The following CFAP46 variants were observed in gnomAD, a reference collection of about 807,000 sequenced individuals.
CFAP46 encodes cilia- and flagella-associated protein 46.
CFAP46 carries 245 observed loss-of-function variants against 325.7 expected under a neutral mutation model. The observed-to-expected ratio is 0.75, with a 90% CI of 0.68 to 0.84. The LOEUF is 0.84. Ranked by LOEUF, CFAP46 falls within the 40% of genes least tolerant of loss-of-function variation. The pLI, the probability that CFAP46 is intolerant of heterozygous loss-of-function variation, is 0.00. For missense variants in CFAP46, 3,346 were observed against 3,543.0 expected (o/e 0.94, Z 1.41); for synonymous variants, 1,523 against 1,495.9 (o/e 1.02, Z -0.42).
intron 8 of CFAP46, among the ~76,000 whole-genome samples, chr10:132,930,735 TG>T (rs1242051071): frequency 1.3e-5 from 1 of 77,534 alleles, no homozygotes; most frequent in Admixed American, 1.4e-4. Flanking sequence ...ACACAGAGCC[TG>T]GGCCTTCCTC....
At chr10:132,894,070 C>T (rs1193900659) in intron 24 of CFAP46, among the ~76,000 whole-genome samples, 4 of 151,890 alleles carry the variant, frequency 2.6e-5, no homozygotes, top group Non-Finnish European at 4.4e-5. Flanking sequence ...GAGGGTTCGC[C>T]GCTGGTAACA....
chr10:132,920,011 A>AC, intron 14 of CFAP46, 48 bp downstream of exon 14: 1 of 1,449,440 alleles, frequency 6.9e-7, no homozygotes. Flanking sequence ...GGGCTGAGCG[A>AC]CCCCCGGGCT....
chr10:132,898,349 G>A (rs1176628719), intron 24 of CFAP46, among the ~76,000 whole-genome samples: 1 of 152,186 alleles, frequency 6.6e-6, no homozygotes, highest in Non-Finnish European at 1.5e-5. Context: ...GCGAGAAGCT[G>A]GCCAGGCTCC....
At chr10:132,820,997 C>G (rs1847798135) in intron 50 of CFAP46, among the ~76,000 whole-genome samples, 1 of 115,182 alleles carries the variant, frequency 8.7e-6, no homozygotes, top group Non-Finnish European at 1.7e-5. Context: ...TGTGTGTGTG[C>G]TGATGTGTGC....
chr10:132,919,795 C>A lies in CFAP46; in HGVS notation c.1730+264G>T, dbSNP rs965584619. Among the ~76,000 whole-genome samples the A allele has an allele frequency of 6.6e-6, 1 of 152,140 alleles. No individual in the cohort carries two copies. The highest frequency in any genetic ancestry group is 1.5e-5 in the Non-Finnish European group (1 of 68,006). On this transcript the variant is annotated intron_variant, in intron 14 of 57. Coordinates refer to ENST00000368586, the MANE Select transcript of CFAP46 (RefSeq NM_001200049.3). This position sits in a 1 kb window ranked among gnomAD's most constrained non-coding sequence, Gnocchi z 9.7. ...CAGCCTGCTCTGGTCACAGGCGCTGCGTGTCCTCCGAGTGACAGCAGTGAC... is the reference window on the plus strand; with the variant it reads ...CAGCCTGCTCTGGTCACAGGCGCTGAGTGTCCTCCGAGTGACAGCAGTGAC...
chr10:132,915,683 G>A (rs868328898), intron 17 of CFAP46, among the ~76,000 whole-genome samples: 64 of 152,352 alleles, frequency 4.2e-4, no homozygotes, highest in African/African-American at 1.2e-3. Flanking sequence ...GGGGACACCC[G>A]AGCTTACCAC....
At chr10:132,854,430 C>G (rs181715094) in intron 39 of CFAP46, among the ~76,000 whole-genome samples, 5 of 152,182 alleles carry the variant, frequency 3.3e-5, no homozygotes, top group Admixed American at 2.0e-4. Flanking sequence ...TCTTCCCCCC[C>G]AGGTTCACGC....
At chr10:132,930,062 C>T (rs534899076) in intron 8 of CFAP46, among the ~76,000 whole-genome samples, 4 of 152,154 alleles carry the variant, frequency 2.6e-5, no homozygotes, top group African/African-American at 7.2e-5. Context: ...CTACTGGACA[C>T]CCTGCTCCTC....
Position 132,834,636 on chromosome 10 carries a change from C to A in CFAP46, c.6866+18G>T. 1 of 1,612,254 alleles carries A rather than the reference C, an allele frequency of 6.2e-7. No homozygotes were observed. The highest frequency in any genetic ancestry group is 1.1e-5 in the South Asian group (1 of 90,906). ...CGTGAGCGTGGTGGGGTGCCAGCCT[C>A]AACGTCATCCCCAGTACCTGGCCTT... On this transcript the variant is annotated intron_variant, in intron 48 of 57. Coordinates refer to ENST00000368586, the MANE Select transcript of CFAP46 (RefSeq NM_001200049.3).
Position 132,940,724 on chromosome 10 carries a change from T to C in CFAP46, c.371+272A>G, listed in dbSNP as rs180725037. On this transcript the variant is annotated intron_variant, in intron 4 of 57. Coordinates refer to ENST00000368586, the MANE Select transcript of CFAP46 (RefSeq NM_001200049.3). ...TCCCCAGCAGTTGGGATTACAGGCATGTGCCACCACGCCCGGCAGAAAACA... is the reference window on the plus strand; with the variant it reads ...TCCCCAGCAGTTGGGATTACAGGCACGTGCCACCACGCCCGGCAGAAAACA... Among the ~76,000 whole-genome samples the C allele has an allele frequency of 7.6e-3, 1,154 of 152,258 alleles. 17 individuals are homozygous for C. Among genetic ancestry groups the C allele is most frequent in the African/African-American group, 0.026 (1,069 of 41,552 alleles).
At position 132,847,236 on chromosome 10, in the gene CFAP46, G is replaced by A. The variant is rs199512971; in HGVS notation, c.6038C>T (p.Ala2013Val). 18 of 1,613,076 alleles carry A rather than the reference G, an allele frequency of 1.1e-5. No homozygotes were observed. The highest frequency in any genetic ancestry group is 1.5e-5 in the Non-Finnish European group (18 of 1,179,914). The change falls in exon 42 of 58, where the codon GCC becomes GTC. Residue 2013 changes from alanine (A) to valine (V), a missense_variant. Ala to Val is a moderately conservative substitution (Grantham distance 64). Coordinates refer to ENST00000368586, the MANE Select transcript of CFAP46 (RefSeq NM_001200049.3). The surrounding 1 kb of genome is among the most constrained non-coding windows in gnomAD (Gnocchi z 5.2). Reference protein sequence around the residue: ...GATKSSRDPPASRAAPEEHCR... With the variant: ...GATKSSRDPPVSRAAPEEHCR... ...GTGCTCCTCCGGGGCTGCCCTGGAG[G>A]CCGGCGGGTCCCTGCTGGACTTTGT...
chr10:132,926,578 G>A lies in CFAP46; in HGVS notation c.1055C>T (p.Ala352Val), dbSNP rs901307019. ...LESKMKVYNR[A>V]AVEAQLDIIQ... ...TGCGTAAGGACTGACCTCAACAGCC[G>A]CTCGGTTGTACACTTTCATCTTACT... Residue 352 changes from alanine (A) to valine (V), a missense_variant, in exon 10 of 58, where the codon GCG (alanine) becomes GTG (valine). Coordinates refer to ENST00000368586, the MANE Select transcript of CFAP46 (RefSeq NM_001200049.3). The A allele has an allele frequency of 1.5e-5, 23 of 1,535,290 alleles. No homozygotes were observed. The highest frequency in any genetic ancestry group is 5.9e-5 in the South Asian group (5 of 84,038).
At chr10:132,835,797 G>C (rs1390554738) in intron 46 of CFAP46, among the ~76,000 whole-genome samples, 1 of 151,870 alleles carries the variant, frequency 6.6e-6, no homozygotes, top group African/African-American at 2.4e-5. Flanking sequence ...GAAAGGGCCC[G>C]TGTGCAGGGA....
chr10:132,846,137 G>A lies in CFAP46; in HGVS notation c.6358C>T (p.Gln2120Ter). 6.2e-7 allele frequency: 1 copy of A among 1,611,022 alleles called. No homozygotes were observed. Among genetic ancestry groups the A allele is most frequent in the Non-Finnish European group, 8.5e-7 (1 of 1,179,440 alleles). ...CTGTCTTGGCACCGGAGCTGGTGCT[G>A]TAGCTGCAGCAGGGCCGCCAGCTGT... The part of the protein sequence containing the change: ...SSQLAALLQL[Q>*]HQLRCQDRTT... Residue 2120 changes from glutamine to a stop codon, truncating the protein, a stop_gained, in exon 44 of 58, where the codon CAG becomes TAG. Coordinates refer to ENST00000368586, the MANE Select transcript of CFAP46 (RefSeq NM_001200049.3). LOFTEE classifies it high-confidence loss of function.
intron 50 of CFAP46, among the ~76,000 whole-genome samples, chr10:132,821,241 T>G (rs1315430879): frequency 9.1e-6 from 1 of 110,160 alleles, no homozygotes; most frequent in Non-Finnish European, 1.9e-5. Flanking sequence ...TGATGTGTGC[T>G]GTGTGTGTGC....
Position 132,876,938 on chromosome 10 carries a change from T to A in CFAP46, c.4236A>T (p.Lys1412Asn). The A allele has an allele frequency of 6.5e-7, 1 of 1,550,334 alleles. No individual in the cohort carries two copies. The highest frequency in any genetic ancestry group is 1.4e-5 in the African/African-American group (1 of 73,126). Residue 1412 changes from lysine to asparagine, a missense_variant, in exon 31 of 58, where the codon AAA becomes AAT. By Grantham distance (94) the Lys-to-Asn change is moderately conservative. Coordinates refer to ENST00000368586, the MANE Select transcript of CFAP46 (RefSeq NM_001200049.3). The surrounding 1 kb of genome is among the most constrained non-coding windows in gnomAD (Gnocchi z 4.1). ...PKQSQSPAPI[K>N]QLEDLPMSIE... ...TGCTCATGGGTAAGTCTTCCAGTTG[T>A]TTGATAGGAGCTGGGCTTTGAGACT...
chr10:132,922,303 C>G, intron 12 of CFAP46, 79 bp from the exon 13 acceptor site: 1 of 1,502,990 alleles, frequency 6.7e-7, no homozygotes, highest in Non-Finnish European at 8.9e-7. Context: ...AGCCTCCTGG[C>G]CTTTGGCAGG....
At position 132,912,672 on chromosome 10, in the gene CFAP46, T is replaced by C; in HGVS notation, c.2482A>G (p.Ile828Val). ...GGTGGTACCTCCACCGCTGTTTTGA[T>C]CTCGGAAGTGGCTCCTGCGTCCAGT... Reference protein sequence around the residue: ...SPLDAGATSEIKTAVEVCEFA... With the variant: ...SPLDAGATSEVKTAVEVCEFA... Residue 828 changes from isoleucine (I) to valine (V), a missense_variant, in exon 19 of 58, where the codon ATC becomes GTC. By Grantham distance (29) the Ile-to-Val change is conservative (BLOSUM62 3). Transcript: ENST00000368586. 1 of 1,549,306 alleles carries C rather than the reference T, an allele frequency of 6.5e-7. No homozygotes were observed. Among genetic ancestry groups the C allele is most frequent in the Admixed American group, 2.0e-5 (1 of 50,952 alleles).
At chr10:132,908,720 A>G in intron 21 of CFAP46, 86 bp from the exon 22 acceptor site, 1 of 1,420,808 alleles carries the variant, frequency 7.0e-7, no homozygotes, top group Non-Finnish European at 9.3e-7. Context: ...CACGCAGCGC[A>G]TGTGATCCTA....
Sources: allele counts gnomAD v4.1 joint callset (sites outside exome capture counted in the v4.1 genomes callset), GRCh38; gene constraint gnomAD v4.1.1; non-coding constraint Gnocchi (gnomAD v3.1); transcripts MANE v1.5; gene names NCBI Gene and HGNC (gene_info 2026-07-23, HGNC 2026-07-21).